The following EDEM3 variants were observed in gnomAD, a reference collection of about 807,000 sequenced individuals.
EDEM3 encodes the protein ER degradation-enhancing alpha-mannosidase-like protein 3.
A neutral mutation model predicts 110.2 loss-of-function variants in EDEM3; 60 were observed. That is an observed-to-expected ratio of 0.54 (90% CI 0.44 to 0.67). The LOEUF is 0.67. Among genes scored for constraint, EDEM3 ranks in the 30% least tolerant of loss-of-function variants. The pLI, the probability that EDEM3 is intolerant of heterozygous loss-of-function variation, is 0.00. For missense variants in EDEM3, 996 were observed against 1,121.0 expected, an observed-to-expected ratio of 0.89 and a Z score of 1.59; for synonymous variants, 352 against 382.9, an observed-to-expected ratio of 0.92 and a Z score of 0.94.
chr1:184,690,361 T>G lies in EDEM3; in HGVS notation c.*3702A>C, dbSNP rs1649008844. 2.0e-5 allele frequency: 3 copies of G among 152,294 alleles called. No individual in the cohort carries two copies. The highest frequency in any genetic ancestry group is 1.3e-4 in the Admixed American group (2 of 15,228). 9.4% of individuals were successfully genotyped at this position (152,294 alleles called of 1,614,324 possible). A position where few individuals can be genotyped will look rare whatever the true frequency, so the allele number is the denominator to read the frequency against. On this transcript the variant is annotated 3_prime_UTR_variant, in exon 20 of 20. Transcript: ENST00000318130. The stretch of plus-strand genomic sequence containing the variant: ...ACTTTAGCCCACAAGCTTGGGTTTC[T>G]ACAGCCTAAAATGTCCCCAGAATTC...
chr1:184,702,693 G>T, intron 19 of EDEM3, 118 bp downstream of exon 19: 2 of 618,556 alleles, frequency 3.2e-6, no homozygotes, highest in Non-Finnish European at 5.0e-6. Flanking sequence ...TCTTCTAAAA[G>T]TTTTACTTGT....
chr1:184,711,590 G>GT (rs1650235338), intron 15 of EDEM3, 133 bp downstream of exon 15: 1 of 596,546 alleles, frequency 1.7e-6, no homozygotes, highest in South Asian at 4.9e-5. Flanking sequence ...ATTTTAACCA[G>GT]TGATAGCTAC....
chr1:184,754,771 C>T lies in EDEM3; in HGVS notation c.-125G>A. The T allele has an allele frequency of 7.3e-7, 1 of 1,365,532 alleles. No homozygotes were observed. Among genetic ancestry groups the T allele is most frequent in the Non-Finnish European group, 9.5e-7 (1 of 1,056,190 alleles). The allele number at this position is 1,365,532 out of a possible 1,614,324, so 84.6% of individuals were successfully genotyped here. On this transcript the variant is annotated 5_prime_UTR_variant, in exon 1 of 20. Coordinates refer to ENST00000318130, the MANE Select transcript of EDEM3 (RefSeq NM_025191.4). Reference sequence around the variant, plus strand: ...GCGGGATGCGGAGTAACACGGACGGCCGCCGGCGCCAAACTGTTTCCCGAA... The same window carrying T: ...GCGGGATGCGGAGTAACACGGACGGTCGCCGGCGCCAAACTGTTTCCCGAA...
At chr1:184,750,512 CTTT>C (rs1298087479) in intron 1 of EDEM3, among the ~76,000 whole-genome samples, 1 of 108,854 alleles carries the variant, frequency 9.2e-6, no homozygotes, top group Non-Finnish European at 2.0e-5. Context: ...TTTTTATTAA[CTTT>C]TTCTTTTTTT....
chr1:184,715,331 TCATGTCTTCC>T (rs1650486742), intron 13 of EDEM3, among the ~76,000 whole-genome samples: 1 of 152,202 alleles, frequency 6.6e-6, no homozygotes, highest in South Asian at 2.1e-4. Context: ...GAACAGTAAA[TCATGTCTTCC>T]TCTGCAATTC....
chr1:184,742,174 G>A (rs955649067), intron 2 of EDEM3, among the ~76,000 whole-genome samples: 8 of 152,068 alleles, frequency 5.3e-5, no homozygotes, highest in African/African-American at 1.9e-4. Flanking sequence ...ACACAGAAAG[G>A]GGGGGAAATA....
Position 184,704,963 on chromosome 1 carries a change from G to A in EDEM3, c.2203+1680C>T, listed in dbSNP as rs189361304. Among the ~76,000 whole-genome samples the A allele has an allele frequency of 2.7e-3, 410 of 151,852 alleles. 4 individuals carry two copies. The highest frequency in any genetic ancestry group is 3.0e-3 in the Non-Finnish European group (202 of 67,946). On this transcript the variant is annotated intron_variant, in intron 18 of 19. Transcript: ENST00000318130. ...CAGGCACCTGTAATCCCAGCTACTC[G>A]GGAGACTGAGGCAGGGAGAATTGCT...
intron 9 of EDEM3, among the ~76,000 whole-genome samples, chr1:184,720,003 A>G (rs1650793600): frequency 6.6e-6 from 1 of 152,178 alleles, no homozygotes; most frequent in African/African-American, 2.4e-5. Flanking sequence ...GCTCACTACT[A>G]TCTAAACTAA....
At chr1:184,712,386 CAT>C in intron 14 of EDEM3, 45 bp downstream of exon 14, 1 of 1,505,462 alleles carries the variant, frequency 6.6e-7, no homozygotes, top group Non-Finnish European at 9.0e-7. Flanking sequence ...AAAAATAAAA[CAT>C]GTAGAAATAA....
At chr1:184,697,764 T>A (rs759279001) in intron 19 of EDEM3, among the ~76,000 whole-genome samples, 7 of 151,742 alleles carry the variant, frequency 4.6e-5, no homozygotes, top group African/African-American at 9.7e-5. Context: ...AAAAACAGGA[T>A]GGAGTGATCT....
chr1:184,711,797 T>C lies in EDEM3; in HGVS notation c.1617A>G (p.Pro539=), dbSNP rs1419898750. ...PNTQILFPND[P]LYAQSIREPL... is the part of the protein sequence containing the mutation. ...GCTCACGAATACTTTGAGCATACAA[T>C]GGGTCATTAGGAAAGAGGATCTGAG... The change falls in exon 15 of 20, where the codon CCA becomes CCG. Residue 539 remains proline, a synonymous_variant. Transcript: ENST00000318130. The C allele has an allele frequency of 1.9e-6, 3 of 1,613,572 alleles. No homozygotes were observed. Among genetic ancestry groups the C allele is most frequent in the East Asian group, 2.2e-5 (1 of 44,842 alleles).
At chr1:184,737,740 A>G in intron 2 of EDEM3, 29 bp from the exon 3 acceptor site, 1 of 1,588,664 alleles carries the variant, frequency 6.3e-7, no homozygotes, top group Non-Finnish European at 8.6e-7. Context: ...TAAGTTACTA[A>G]GGAAAATAAG....
intron 16 of EDEM3, among the ~76,000 whole-genome samples, 166 bp from the exon 17 acceptor site, chr1:184,708,510 T>C (rs1038376806): frequency 5.9e-5 from 9 of 152,218 alleles, no homozygotes; most frequent in African/African-American, 2.2e-4. Context: ...AATAATACTT[T>C]CAGAAATAGT....
intron 17 of EDEM3, 66 bp from the exon 18 acceptor site, chr1:184,706,874 C>A: frequency 6.6e-7 from 1 of 1,505,726 alleles, no homozygotes; most frequent in Non-Finnish European, 9.0e-7. Context: ...CATTAAACCT[C>A]AATATCTAGA....
chr1:184,743,189 C>T (rs1045876788), intron 2 of EDEM3, among the ~76,000 whole-genome samples: 8 of 152,140 alleles, frequency 5.3e-5, no homozygotes, highest in African/African-American at 9.7e-5. Context: ...TACAACCACA[C>T]CTTTTTCTTT....
intron 9 of EDEM3, chr1:184,720,977 T>C (rs1006255822): frequency 4.6e-6 from 1 of 219,030 alleles, no homozygotes; most frequent in African/African-American, 2.3e-5. Flanking sequence ...AAAAGCTAAC[T>C]AGTAACATAT....
intron 2 of EDEM3, 23 bp downstream of exon 2, chr1:184,749,524 G>T (rs781620658): frequency 6.6e-7 from 1 of 1,515,862 alleles, no homozygotes; most frequent in Admixed American, 2.0e-5. Context: ...TAAATGGTAG[G>T]TAAAGATAAG....
chr1:184,747,086 T>C (rs1463845153), intron 2 of EDEM3, among the ~76,000 whole-genome samples: 1 of 151,966 alleles, frequency 6.6e-6, no homozygotes, highest in Admixed American at 6.6e-5. Flanking sequence ...TCAAAAAAAT[T>C]TGCTAAGCAT....
chr1:184,744,922 G>C (rs1364388635), intron 2 of EDEM3, among the ~76,000 whole-genome samples: 1 of 152,060 alleles, frequency 6.6e-6, no homozygotes, highest in Non-Finnish European at 1.5e-5. Flanking sequence ...CTAGGAAAGA[G>C]AAAGGTGTAG....
Sources: allele counts gnomAD v4.1 joint callset (sites outside exome capture counted in the v4.1 genomes callset), GRCh38; gene constraint gnomAD v4.1.1; transcripts MANE v1.5; gene names NCBI Gene and HGNC (gene_info 2026-07-23, HGNC 2026-07-21).